The following PRKCB variants were observed in gnomAD, a reference collection of about 807,000 sequenced individuals.
The protein encoded by PRKCB is protein kinase C beta.
In PRKCB, 13 loss-of-function variants were observed where a neutral mutation model predicts 81.5. The observed-to-expected ratio is 0.16, with a 90% confidence interval of 0.10 to 0.25. PRKCB has a LOEUF of 0.25. PRKCB is among the 10% of genes least tolerant of loss of function. The probability of loss-of-function intolerance (pLI) is 1.00; values close to 1 mark genes in which losing one functional copy is unlikely to be tolerated. For missense variants in PRKCB, 509 were observed against 875.7 expected (o/e 0.58, Z 5.29); for synonymous variants, 335 against 321.4 (o/e 1.04, Z -0.45).
rs1966694094 is a variant in PRKCB, at chr16:24,113,035, G to T, written c.884G>T (p.Ser295Ile). The T allele has an allele frequency of 1.2e-6, 2 of 1,613,410 alleles. No homozygotes were observed. Among genetic ancestry groups the T allele is most frequent in the South Asian group, 1.1e-5 (1 of 90,988 alleles). ...AATGTGCCTGTGCCACCAGAAGGAA[G>T]TGAGGCCAATGAAGAACTGCGGCAG... is the stretch of plus-strand genomic sequence containing the variant. ...YFNVPVPPEG[S>I]EANEELRQKF... is the part of the protein sequence containing the mutation. The change falls in exon 8 of 17, where the codon AGT (serine) becomes ATT (isoleucine). Residue 295 changes from serine to isoleucine, a missense_variant. Ser to Ile is a moderately radical substitution (Grantham distance 142). Transcript: ENST00000643927.
chr16:23,873,637 C>T (rs756451068), intron 2 of PRKCB, among the ~76,000 whole-genome samples: 2 of 152,198 alleles, frequency 1.3e-5, no homozygotes, highest in African/African-American at 2.4e-5. Context: ...TAATTCCAAA[C>T]TTCTGGGATA....
chr16:23,875,613 C>T lies in PRKCB; in HGVS notation c.205+38207C>T, dbSNP rs750424928. On this transcript the variant is annotated intron_variant, in intron 2 of 16. Coordinates refer to ENST00000643927, the MANE Select transcript of PRKCB (RefSeq NM_002738.7). The stretch of plus-strand genomic sequence containing the variant: ...ATCACACACATATGTATGTATATCA[C>T]ACACATATATGTATGTATATCACAC... Among the ~76,000 whole-genome samples, 13 of 30,396 alleles carry T rather than the reference C, an allele frequency of 4.3e-4. 1 individual carries two copies. The highest frequency in any genetic ancestry group is 5.4e-4 in the African/African-American group (4 of 7,362). 19.9% of individuals were successfully genotyped at this position (30,396 alleles called of 152,430 possible).
chr16:24,077,159 G>A (rs919609368), intron 5 of PRKCB, among the ~76,000 whole-genome samples: 1 of 151,878 alleles, frequency 6.6e-6, no homozygotes, highest in South Asian at 2.1e-4. Context: ...TGTGCCATTT[G>A]GAAGTATTTT....
At chr16:24,053,851 G>A (rs1287213172) in intron 5 of PRKCB, among the ~76,000 whole-genome samples, 1 of 152,206 alleles carries the variant, frequency 6.6e-6, no homozygotes, top group South Asian at 2.1e-4. Flanking sequence ...GGAGAGGAAA[G>A]CGGAGGAAAC....
intron 2 of PRKCB, among the ~76,000 whole-genome samples, chr16:23,977,574 GTA>G (rs1472398698): frequency 6.6e-6 from 1 of 152,114 alleles, no homozygotes; most frequent in Non-Finnish European, 1.5e-5. Flanking sequence ...ATCTCAGTCC[GTA>G]CCTACAGATA....
At chr16:23,912,507 CTTT>C (rs1210105406) in intron 2 of PRKCB, among the ~76,000 whole-genome samples, 8 of 72,084 alleles carry the variant, frequency 1.1e-4, no homozygotes, top group Admixed American at 2.3e-4. Flanking sequence ...TTTCTTTCTT[CTTT>C]TTTTTTTTTT....
intron 4 of PRKCB, 55 bp downstream of exon 4, chr16:24,032,302 G>T: frequency 1.5e-6 from 2 of 1,321,902 alleles, no homozygotes; most frequent in Non-Finnish European, 2.2e-6. Flanking sequence ...AATGGGAAGG[G>T]CTGCTTCCAC....
chr16:23,987,946 G>T (rs936832474), intron 2 of PRKCB, among the ~76,000 whole-genome samples: 2 of 152,142 alleles, frequency 1.3e-5, no homozygotes, highest in African/African-American at 4.8e-5. Flanking sequence ...GTATTTGCTT[G>T]CAGACTACTA....
chr16:23,948,595 A>G (rs1401056342), intron 2 of PRKCB, among the ~76,000 whole-genome samples: 1 of 129,842 alleles, frequency 7.7e-6, no homozygotes, highest in East Asian at 2.3e-4. Flanking sequence ...GTAGAGACTA[A>G]TAAGGTTCAC....
At chr16:23,914,946 G>A (rs1963716752) in intron 2 of PRKCB, among the ~76,000 whole-genome samples, 1 of 152,218 alleles carries the variant, frequency 6.6e-6, no homozygotes, top group Non-Finnish European at 1.5e-5. Flanking sequence ...GGTCCTGGGT[G>A]CTTCTGTTTT....
At chr16:23,924,047 C>A (rs143658032) in intron 2 of PRKCB, among the ~76,000 whole-genome samples, 6,202 of 152,164 alleles carry the variant, frequency 0.041, 230 homozygotes, top group Admixed American at 0.077. Context: ...CAAATCTCAT[C>A]TTGAATTGTA....
Position 24,218,264 on chromosome 16 carries a change from T to G in PRKCB, c.*3448T>G. ...TGACTTGTGGGGATTGGGAGAGAGA[T>G]GCACAGACAATATTAAAGAGGAGGC... On this transcript the variant is annotated 3_prime_UTR_variant, in exon 17 of 17. Coordinates refer to ENST00000643927, the MANE Select transcript of PRKCB (RefSeq NM_002738.7). The G allele has an allele frequency of 1.0e-6, 1 of 985,338 alleles. No homozygotes were observed. The highest frequency in any genetic ancestry group is 1.2e-6 in the Non-Finnish European group (1 of 829,924). 61.0% of individuals were successfully genotyped at this position (985,338 alleles called of 1,614,324 possible).
intron 2 of PRKCB, among the ~76,000 whole-genome samples, chr16:23,861,940 T>C (rs1374379755): frequency 6.6e-6 from 1 of 152,222 alleles, no homozygotes; most frequent in Non-Finnish European, 1.5e-5. Flanking sequence ...TAAGATGGGT[T>C]TTCTGTTCTT....
intron 7 of PRKCB, among the ~76,000 whole-genome samples, chr16:24,096,596 A>T (rs1966442241): frequency 6.8e-6 from 1 of 147,696 alleles, no homozygotes; most frequent in African/African-American, 2.5e-5. Context: ...TTGTTTTCAT[A>T]GTCAGCTGCT....
At chr16:24,071,838 C>G (rs1033673905) in intron 5 of PRKCB, among the ~76,000 whole-genome samples, 1 of 152,032 alleles carries the variant, frequency 6.6e-6, no homozygotes, top group Non-Finnish European at 1.5e-5. Context: ...CCGAAGAGGG[C>G]GTTGAGTTGC....
intron 16 of PRKCB, chr16:24,208,411 C>A (rs892730315): frequency 6.6e-6 from 1 of 152,212 alleles, no homozygotes; most frequent in African/African-American, 2.4e-5. Context: ...AAAGAGCTTA[C>A]GTGTAACAGG....
chr16:24,063,003 G>A (rs1965991768), intron 5 of PRKCB, among the ~76,000 whole-genome samples: 1 of 151,972 alleles, frequency 6.6e-6, no homozygotes, highest in Non-Finnish European at 1.5e-5. Flanking sequence ...GGAATGAGAA[G>A]ATGCGGCATT....
At chr16:24,107,207 A>G (rs1966590244) in intron 7 of PRKCB, among the ~76,000 whole-genome samples, 1 of 152,194 alleles carries the variant, frequency 6.6e-6, no homozygotes, top group Admixed American at 6.5e-5. Flanking sequence ...CAACCTCTTG[A>G]ATCTCACTGC....
chr16:24,151,656 A>C (rs186571181), intron 9 of PRKCB: 1 of 386,532 alleles, frequency 2.6e-6, no homozygotes, highest in African/African-American at 2.1e-5. Flanking sequence ...AGAGCATGGA[A>C]GGACGTCATA....
Sources: allele counts gnomAD v4.1 joint callset (sites outside exome capture counted in the v4.1 genomes callset), GRCh38; gene constraint gnomAD v4.1.1; transcripts MANE v1.5; gene names NCBI Gene and HGNC (gene_info 2026-07-23, HGNC 2026-07-21).